MBTD1: variants seen among roughly 807,000 people sequenced by gnomAD.
MBTD1 encodes the protein mbt domain containing 1, also known as MBT domain-containing protein 1.
A neutral mutation model predicts 87.8 loss-of-function variants in MBTD1; 24 were observed. The ratio of observed to expected loss-of-function variants is 0.27; its 90% CI spans 0.20 to 0.38. The LOEUF is 0.38. MBTD1 is among the 10% of genes least tolerant of loss of function. MBTD1 has a pLI of 1.00. For synonymous variants in MBTD1, 237 were observed against 248.6 expected (o/e 0.95, Z 0.44); for missense variants, 436 against 760.2 (o/e 0.57, Z 5.02).
intron 2 of MBTD1, among the ~76,000 whole-genome samples, chr17:51,236,208 T>G (rs2053828928): frequency 1.3e-5 from 2 of 152,268 alleles, no homozygotes; most frequent in Non-Finnish European, 2.9e-5. Context: ...CAGTGTTTTG[T>G]TCACACTGCT....
chr17:51,226,640 T>C (rs912260512), intron 2 of MBTD1, among the ~76,000 whole-genome samples: 6 of 152,000 alleles, frequency 3.9e-5, no homozygotes, highest in African/African-American at 1.2e-4. Flanking sequence ...TTTTTTTCTT[T>C]CTTTTTTTGA....
Position 51,206,967 on chromosome 17 carries a change from A to G in MBTD1, c.525T>C (p.Asn175=). The change falls in exon 7 of 17, where the codon AAT becomes AAC. Residue 175 remains asparagine (N), a synonymous_variant. Transcript: ENST00000586178. ...CTGTATTGGGAACTTCTACTCTCAC[A>G]TTTTCTGAGATATCACCCCAGCAGG... ...MGTCWGDISE[N]VRVEVPNTDC... 3.7e-6 allele frequency: 6 copies of G among 1,613,594 alleles called. No individual in the cohort carries two copies. Among genetic ancestry groups the G allele is most frequent in the Non-Finnish European group, 3.4e-6 (4 of 1,179,636 alleles).
At chr17:51,220,976 C>CA (rs889122014) in intron 3 of MBTD1, among the ~76,000 whole-genome samples, 24 of 151,136 alleles carry the variant, frequency 1.6e-4, no homozygotes, top group Admixed American at 5.3e-4. Context: ...GTTTAGGGGA[C>CA]AAAAAAAAGG....
intron 12 of MBTD1, among the ~76,000 whole-genome samples, chr17:51,196,912 T>C (rs1324335728): frequency 1.3e-5 from 2 of 151,336 alleles, no homozygotes; most frequent in East Asian, 2.0e-4. Context: ...AAATTTTTTT[T>C]CCTTTGAAAT....
rs1299992225 is a variant in MBTD1, at chr17:51,178,297, A to G, written c.*2279T>C. On this transcript the variant is annotated 3_prime_UTR_variant, in exon 17 of 17. Coordinates refer to ENST00000586178, the MANE Select transcript of MBTD1 (RefSeq NM_017643.3). ...GCTTTAGGTTGTGTTCAGACTGTAG[A>G]AAAGTCCTTACCAACCTTCAACTGT... The G allele has an allele frequency of 6.6e-6, 1 of 152,224 alleles. No homozygotes were observed. Among genetic ancestry groups the G allele is most frequent in the Non-Finnish European group, 1.5e-5 (1 of 68,040 alleles). 9.4% of individuals were successfully genotyped at this position (152,224 alleles called of 1,614,324 possible). A position where few individuals can be genotyped will look rare whatever the true frequency, so the allele number is the denominator to read the frequency against.
intron 2 of MBTD1, among the ~76,000 whole-genome samples, chr17:51,247,441 C>CTTTTTTTTT (rs58720477): frequency 1.5e-5 from 2 of 132,042 alleles, no homozygotes; most frequent in African/African-American, 3.0e-5. Flanking sequence ...ATCAGTATTA[C>CTTTTTTTTT]TTTTTTTTTT....
At position 51,228,197 on chromosome 17, in the gene MBTD1, C is replaced by G. The variant is rs372758647; in HGVS notation, c.-48-2988G>C. Among the ~76,000 whole-genome samples the G allele has an allele frequency of 2.6e-5, 4 of 151,904 alleles. No individual in the cohort carries two copies. In the East Asian group the frequency reaches 7.7e-4, roughly 29 times the overall value. ...AGAACACATGGACACATAGAGGAAA[C>G]AGCAGACACTGGGGCCTATTGGAGG... On this transcript the variant is annotated intron_variant, in intron 2 of 16. Transcript: ENST00000586178.
At chr17:51,211,916 T>C (rs1174624661) in intron 6 of MBTD1, among the ~76,000 whole-genome samples, 1 of 152,194 alleles carries the variant, frequency 6.6e-6, no homozygotes, top group Admixed American at 6.5e-5. Flanking sequence ...TTTTCTTTCC[T>C]TAAAACCTAA....
intron 12 of MBTD1, among the ~76,000 whole-genome samples, chr17:51,196,064 C>T (rs962210886): frequency 5.3e-5 from 8 of 152,130 alleles, no homozygotes; most frequent in African/African-American, 1.2e-4. Flanking sequence ...CATGCCATCA[C>T]ACTCGGCTAA....
chr17:51,251,672 A>G (rs931495428), intron 2 of MBTD1: 11 of 152,230 alleles, frequency 7.2e-5, no homozygotes, highest in African/African-American at 2.2e-4. Context: ...TTCTCTACCT[A>G]TAAGAATCTA....
At position 51,224,907 on chromosome 17, in the gene MBTD1, C is replaced by A. The variant is rs549927592; in HGVS notation, c.154+101G>T. The A allele has an allele frequency of 1.8e-4, 118 of 655,000 alleles. No homozygotes were observed. In the Middle Eastern group the frequency reaches 3.5e-3, roughly 20 times the overall value. 40.6% of individuals were successfully genotyped at this position (655,000 alleles called of 1,614,324 possible). ...TATAAACGTCAGCTCTTCAAACTGC[C>A]CCTTAATAATTCTAAGGAAGGGGAA... On this transcript the variant is annotated intron_variant, in intron 3 of 16. Coordinates refer to ENST00000586178, the MANE Select transcript of MBTD1 (RefSeq NM_017643.3).
intron 10 of MBTD1, 99 bp from the exon 11 acceptor site, chr17:51,202,176 A>C (rs1413645050): frequency 1.1e-5 from 8 of 722,422 alleles, no homozygotes; most frequent in Non-Finnish European, 2.0e-5. Context: ...GTCATACTAT[A>C]AAACATGGCA....
intron 15 of MBTD1, 24 bp downstream of exon 15, chr17:51,192,758 C>T (rs939036370): frequency 1.2e-6 from 2 of 1,610,430 alleles, no homozygotes; most frequent in African/African-American, 1.3e-5. Context: ...TACAAAAGGA[C>T]ACCTTTTCTG....
intron 1 of MBTD1, among the ~76,000 whole-genome samples, chr17:51,259,524 C>T (rs924572669): frequency 6.6e-6 from 1 of 152,176 alleles, no homozygotes; most frequent in African/African-American, 2.4e-5. Flanking sequence ...CGGATCCAGC[C>T]TTTCCCCCCT....
intron 7 of MBTD1, 65 bp downstream of exon 7, chr17:51,206,823 C>A: frequency 8.8e-7 from 1 of 1,137,878 alleles, no homozygotes; most frequent in Non-Finnish European, 1.3e-6. Flanking sequence ...TATAAACATG[C>A]TTTTTTTACG....
intron 2 of MBTD1, chr17:51,250,704 G>A (rs1312671326): frequency 6.6e-6 from 1 of 152,132 alleles, no homozygotes; most frequent in Non-Finnish European, 1.5e-5. Flanking sequence ...TGTGCCTTCT[G>A]GTATGAACTT....
At chr17:51,218,053 C>T (rs545564656) in intron 5 of MBTD1, among the ~76,000 whole-genome samples, 1 of 152,238 alleles carries the variant, frequency 6.6e-6, no homozygotes, top group East Asian at 1.9e-4. Context: ...TCAGTTCTTG[C>T]CATGTACCTC....
At chr17:51,202,471 A>T (rs2051547832) in intron 10 of MBTD1, among the ~76,000 whole-genome samples, 1 of 152,240 alleles carries the variant, frequency 6.6e-6, no homozygotes, top group African/African-American at 2.4e-5. Flanking sequence ...AGAAACAATT[A>T]TAGTTGTGAC....
At chr17:51,235,674 G>A (rs547293642) in intron 2 of MBTD1, among the ~76,000 whole-genome samples, 33 of 152,216 alleles carry the variant, frequency 2.2e-4, no homozygotes, top group South Asian at 4.1e-4. Context: ...TAGCAAACTA[G>A]GAAGACGTAC....
Sources: allele counts gnomAD v4.1 joint callset (sites outside exome capture counted in the v4.1 genomes callset), GRCh38; gene constraint gnomAD v4.1.1; transcripts MANE v1.5; gene names NCBI Gene and HGNC (gene_info 2026-07-23, HGNC 2026-07-21).